Variants in TXLNA observed in about 807,000 individuals in gnomAD.
TXLNA encodes taxilin alpha.
In TXLNA, 9 loss-of-function variants were observed where a neutral mutation model predicts 61.4. The observed-to-expected ratio is 0.15, with a 90% confidence interval of 0.09 to 0.26. TXLNA has a LOEUF of 0.26. Among genes scored for constraint, TXLNA ranks in the 10% least tolerant of loss-of-function variants. TXLNA has a pLI of 1.00. For missense variants in TXLNA, 565 were observed against 688.8 expected (o/e 0.82, Z 2.01); for synonymous variants, 257 against 267.7 (o/e 0.96, Z 0.39).
chr1:32,192,308 C>T lies in TXLNA; in HGVS notation c.964-3C>T, dbSNP rs768212207. 24 of 1,613,446 alleles carry T rather than the reference C, an allele frequency of 1.5e-5. No homozygotes were observed. The highest frequency in any genetic ancestry group is 3.4e-6 in the Non-Finnish European group (4 of 1,179,554). On this transcript the variant is annotated splice_polypyrimidine_tract_variant and splice_region_variant and intron_variant, in intron 6 of 10. Transcript: ENST00000373610. This position sits in a 1 kb window ranked among gnomAD's most constrained non-coding sequence, Gnocchi z 4.2. ...CCGACTGCTCCCACCATCTTTGTTGCAGCATATCGACAAAGTCTTCAAACA... is the reference window on the plus strand; with the variant it reads ...CCGACTGCTCCCACCATCTTTGTTGTAGCATATCGACAAAGTCTTCAAACA...
chr1:32,187,896 C>G, intron 4 of TXLNA, 58 bp from the exon 5 acceptor site: 1 of 1,571,548 alleles, frequency 6.4e-7, no homozygotes, highest in Admixed American at 1.8e-5. Context: ...GCATAGTGAT[C>G]CCCCCACCAG....
In TXLNA at chr1:32,192,203, T is replaced by G; in HGVS notation, c.964-108T>G. 1 of 1,502,248 alleles carries G rather than the reference T, an allele frequency of 6.7e-7. No individual in the cohort carries two copies. The highest frequency in any genetic ancestry group is 9.0e-7 in the Non-Finnish European group (1 of 1,105,702). The allele number at this position is 1,502,248 out of a possible 1,614,324, so 93.1% of individuals were successfully genotyped here. On this transcript the variant is annotated intron_variant, in intron 6 of 10. Transcript: ENST00000373610. The surrounding 1 kb of genome is among the most constrained non-coding windows in gnomAD (Gnocchi z 4.2). ...GTGGTACACATGGGAGTCCATCATA[T>G]CAGATTGAGATGGGGGGCTGGGCAA...
At chr1:32,180,201 G>A in intron 1 of TXLNA, 113 bp from the exon 2 acceptor site, 1 of 1,157,368 alleles carries the variant, frequency 8.6e-7, no homozygotes, top group Non-Finnish European at 1.2e-6. Flanking sequence ...CTCCGCCCGG[G>A]CCTGCCGGTC....
In TXLNA at chr1:32,195,411, T is replaced by C; in HGVS notation, c.*216T>C. ...TGCATTTATACCTGTAAGTGTACAGTGGGCTTGCATTGGGGATGGGGGTGT... is the reference window on the plus strand; with the variant it reads ...TGCATTTATACCTGTAAGTGTACAGCGGGCTTGCATTGGGGATGGGGGTGT... On this transcript the variant is annotated 3_prime_UTR_variant, in exon 11 of 11. Coordinates refer to ENST00000373610, the MANE Select transcript of TXLNA (RefSeq NM_175852.4). 1.7e-6 allele frequency: 1 copy of C among 594,020 alleles called. No homozygotes were observed. Among genetic ancestry groups the C allele is most frequent in the South Asian group, 2.1e-5 (1 of 47,742 alleles). 36.8% of individuals were successfully genotyped at this position (594,020 alleles called of 1,614,324 possible).
chr1:32,193,014 C>T (rs1642940443), intron 8 of TXLNA, among the ~76,000 whole-genome samples, 194 bp from the exon 9 acceptor site: 2 of 152,096 alleles, frequency 1.3e-5, no homozygotes, highest in African/African-American at 4.8e-5. Flanking sequence ...ATAAAAGTCA[C>T]CCTAAGTCTC....
At chr1:32,183,396 T>C (rs1384565268) in intron 3 of TXLNA, among the ~76,000 whole-genome samples, 7 of 150,086 alleles carry the variant, frequency 4.7e-5, no homozygotes, top group Non-Finnish European at 7.4e-5. Flanking sequence ...AGTGCTGGGA[T>C]TACAGGCGTG....
chr1:32,194,172 G>A lies in TXLNA; in HGVS notation c.1347+12G>A, dbSNP rs1276340420. Reference sequence around the variant, plus strand: ...AGATGGCTGAGGAGGTGGGCTGTCTGTGATCTGCAGCCAGGGTGGGGGTGT... The same window carrying A: ...AGATGGCTGAGGAGGTGGGCTGTCTATGATCTGCAGCCAGGGTGGGGGTGT... On this transcript the variant is annotated intron_variant, in intron 10 of 10. Coordinates refer to ENST00000373610, the MANE Select transcript of TXLNA (RefSeq NM_175852.4). 6.2e-7 allele frequency: 1 copy of A among 1,610,882 alleles called. No individual in the cohort carries two copies. Among genetic ancestry groups the A allele is most frequent in the Non-Finnish European group, 8.5e-7 (1 of 1,177,760 alleles).
rs1054843151 is a variant in TXLNA at position 32,195,328 on chromosome 1, A to G, written c.*133A>G. 5 of 1,094,982 alleles carry G rather than the reference A, an allele frequency of 4.6e-6. No homozygotes were observed. The highest frequency in any genetic ancestry group is 5.1e-6 in the Non-Finnish European group (4 of 777,050). The allele number at this position is 1,094,982 out of a possible 1,614,324, so 67.8% of individuals were successfully genotyped here. ...ACCTGGCTGGCATCTGGCACTTGCA[A>G]TTTTGGATTTTGTGGGTCAGTTTTA... On this transcript the variant is annotated 3_prime_UTR_variant, in exon 11 of 11. Coordinates refer to ENST00000373610, the MANE Select transcript of TXLNA (RefSeq NM_175852.4).
chr1:32,181,148 C>A, intron 2 of TXLNA, 94 bp from the exon 3 acceptor site: 1 of 1,117,662 alleles, frequency 8.9e-7, no homozygotes, highest in Non-Finnish European at 1.2e-6. Flanking sequence ...CAACATTTAA[C>A]TCAAACTGAT....
chr1:32,180,267 G>A, intron 1 of TXLNA, 47 bp from the exon 2 acceptor site: 1 of 1,488,754 alleles, frequency 6.7e-7, no homozygotes. Context: ...TCCAGGCTGC[G>A]AAGAATTTCG....
Position 32,194,306 on chromosome 1 carries a change from C to G in TXLNA, c.1347+146C>G. 3 of 688,126 alleles carry G rather than the reference C, an allele frequency of 4.4e-6. No homozygotes were observed. In the South Asian group the frequency reaches 5.4e-5, roughly 12 times the overall value. 42.6% of individuals were successfully genotyped at this position (688,126 alleles called of 1,614,324 possible). On this transcript the variant is annotated intron_variant, in intron 10 of 10. Coordinates refer to ENST00000373610, the MANE Select transcript of TXLNA (RefSeq NM_175852.4). Reference sequence around the variant, plus strand: ...ACAATGTCCAAGTCCAAAGTTAATGCTGTTCTCTCCCCATGGGAGGTGGTG... The same window carrying G: ...ACAATGTCCAAGTCCAAAGTTAATGGTGTTCTCTCCCCATGGGAGGTGGTG...
intron 2 of TXLNA, 142 bp downstream of exon 2, chr1:32,180,656 C>A (rs564502871): frequency 3.2e-5 from 36 of 1,128,078 alleles, no homozygotes; most frequent in Non-Finnish European, 4.4e-5. Context: ...CGCGGTCCCC[C>A]CTGCGCTCTG....
chr1:32,183,988 C>T (rs775801118), intron 3 of TXLNA, among the ~76,000 whole-genome samples: 3 of 151,966 alleles, frequency 2.0e-5, no homozygotes, highest in Non-Finnish European at 4.4e-5. Context: ...CCGCCTGCCT[C>T]GGCCTCCCAA....
At chr1:32,186,879 A>G (rs942037182) in intron 4 of TXLNA, among the ~76,000 whole-genome samples, 1 of 152,238 alleles carries the variant, frequency 6.6e-6, no homozygotes, top group African/African-American at 2.4e-5. Flanking sequence ...AATGTAAGAT[A>G]CACATCAGCT....
intron 4 of TXLNA, among the ~76,000 whole-genome samples, chr1:32,187,225 G>A (rs988271964): frequency 6.6e-6 from 1 of 152,164 alleles, no homozygotes; most frequent in African/African-American, 2.4e-5. Context: ...TTGATTCCGT[G>A]TTGAAATTGT....
chr1:32,181,202 T>C, intron 2 of TXLNA, 40 bp from the exon 3 acceptor site: 1 of 1,480,188 alleles, frequency 6.8e-7, no homozygotes, highest in Non-Finnish European at 9.0e-7. Flanking sequence ...GGTATAATCG[T>C]CTTCTTTCTC....
chr1:32,194,154 T>TGAGGAGGTGGG lies in TXLNA; in HGVS notation c.1342_1347+5dup, dbSNP rs1642964624. 1 of 1,613,584 alleles carries TGAGGAGGTGGG rather than the reference T, an allele frequency of 6.2e-7. No individual in the cohort carries two copies. The highest frequency in any genetic ancestry group is 2.2e-5 in the East Asian group (1 of 44,882). On this transcript the variant is annotated frameshift_variant, in exon 10 of 11. Transcript: ENST00000373610. LOFTEE classifies it high-confidence loss of function. ...GCAACAAGGCCCTGCTTGAGATGGC[T>TGAGGAGGTGGG]GAGGAGGTGGGCTGTCTGTGATCTG...
rs561116072 is a variant in TXLNA, at chr1:32,192,272, C to T, written c.964-39C>T. 1.7e-5 allele frequency: 27 copies of T among 1,606,696 alleles called. No individual in the cohort carries two copies. Among genetic ancestry groups the T allele is most frequent in the South Asian group, 1.4e-4 (13 of 90,434 alleles). ...TGTGGGGCTACCCTGAGAAAGGGAG[C>T]GCCTGACAAGCCGACTGCTCCCACC... On this transcript the variant is annotated intron_variant, in intron 6 of 10. Transcript: ENST00000373610. The surrounding 1 kb of genome is among the most constrained non-coding windows in gnomAD (Gnocchi z 4.2).
At chr1:32,194,708 A>G (rs1258276577) in intron 10 of TXLNA, among the ~76,000 whole-genome samples, 194 bp from the exon 11 acceptor site, 2 of 152,162 alleles carry the variant, frequency 1.3e-5, no homozygotes, top group African/African-American at 4.8e-5. Flanking sequence ...GTTATCTCCA[A>G]GCCGTGCCCC....
Sources: gnomAD v4.1 joint callset for allele counts (sites outside exome capture counted in the v4.1 genomes callset) on GRCh38, gnomAD v4.1.1 for gene constraint, Gnocchi (gnomAD v3.1) non-coding constraint, MANE v1.5 for transcripts, NCBI Gene and HGNC (gene_info 2026-07-23, HGNC 2026-07-21) for gene names.